Variants in RNF185 observed in about 807,000 individuals in gnomAD.
The protein encoded by RNF185 is E3 ubiquitin-protein ligase RNF185.
RNF185 carries 13 observed loss-of-function variants against 24.9 expected under a neutral mutation model. The observed-to-expected ratio is 0.52, with a 90% CI of 0.34 to 0.83. The LOEUF is 0.83. RNF185 is among the 40% of genes least tolerant of loss of function. RNF185 has a pLI of 0.01. For missense variants in RNF185, 184 were observed against 244.7 expected, an observed-to-expected ratio of 0.75 and a Z score of 1.65; for synonymous variants, 79 against 90.3, an observed-to-expected ratio of 0.88 and a Z score of 0.71.
rs749849070 is a variant in RNF185, at chr22:31,201,656, G to A, written c.481+41G>A. ...CTTGAGAAATTAGGAAGATATCTTA[G>A]TAATATTGCTTGAAAGCTCCTTGGA... On this transcript the variant is annotated intron_variant, in intron 6 of 6. Transcript: ENST00000326132. 10 of 1,400,668 alleles carry A rather than the reference G, an allele frequency of 7.1e-6. No homozygotes were observed. In the East Asian group the frequency reaches 2.1e-4, roughly 29 times the overall value. 86.8% of individuals were successfully genotyped at this position (1,400,668 alleles called of 1,614,324 possible).
At chr22:31,197,018 A>T (rs2048212125) in intron 5 of RNF185, 28 bp downstream of exon 5, 2 of 1,613,252 alleles carry the variant, frequency 1.2e-6, no homozygotes, top group Non-Finnish European at 1.7e-6. Context: ...AGAAGCTTCT[A>T]CAAATGAGCT....
intron 5 of RNF185, among the ~76,000 whole-genome samples, chr22:31,199,072 C>G (rs1371281652): frequency 6.8e-6 from 1 of 147,730 alleles, no homozygotes; most frequent in Non-Finnish European, 1.5e-5. Context: ...TGCACTCCAG[C>G]CTTGGCGACA....
chr22:31,172,601 T>C (rs2147927826), intron 1 of RNF185, among the ~76,000 whole-genome samples: 1 of 151,818 alleles, frequency 6.6e-6, no homozygotes, highest in African/African-American at 2.4e-5. Flanking sequence ...ATACAAAAAT[T>C]GGCCAGTCAT....
At chr22:31,183,313 A>G (rs932458415) in intron 1 of RNF185, among the ~76,000 whole-genome samples, 1 of 152,096 alleles carries the variant, frequency 6.6e-6, no homozygotes, top group Non-Finnish European at 1.5e-5. Flanking sequence ...GCATCACATC[A>G]GGAGGCTGAT....
intron 1 of RNF185, among the ~76,000 whole-genome samples, chr22:31,162,533 A>G (rs1178384009): frequency 6.6e-6 from 1 of 152,102 alleles, no homozygotes; most frequent in African/African-American, 2.4e-5. Flanking sequence ...CATTAAAACC[A>G]CTGAGAGGTC....
chr22:31,190,445 CCTGA>C (rs2048145234), intron 2 of RNF185, among the ~76,000 whole-genome samples: 1 of 152,014 alleles, frequency 6.6e-6, no homozygotes, highest in Non-Finnish European at 1.5e-5. Context: ...TGCCACCACA[CCTGA>C]CTAATTTTTG....
intron 1 of RNF185, among the ~76,000 whole-genome samples, chr22:31,166,104 G>T (rs553320054): frequency 3.3e-5 from 5 of 152,244 alleles, no homozygotes; most frequent in African/African-American, 1.2e-4. Flanking sequence ...CAATTCTCGT[G>T]CCTCAGTTCC....
At chr22:31,185,127 G>A (rs2048086531) in intron 1 of RNF185, among the ~76,000 whole-genome samples, 1 of 151,984 alleles carries the variant, frequency 6.6e-6, no homozygotes, top group Non-Finnish European at 1.5e-5. Flanking sequence ...ATGAAGAAGA[G>A]GAAGGTCAGA....
In RNF185 at chr22:31,186,967, A is replaced by G. The variant is rs1030826540; in HGVS notation, c.-48-80A>G. 1.1e-4 allele frequency: 110 copies of G among 998,482 alleles called. 1 individual carries two copies. The highest frequency in any genetic ancestry group is 1.1e-5 in the Non-Finnish European group (7 of 665,974). 61.9% of individuals were successfully genotyped at this position (998,482 alleles called of 1,614,324 possible). A position where few individuals can be genotyped will look rare whatever the true frequency, so the allele number is the denominator to read the frequency against. On this transcript the variant is annotated intron_variant, in intron 1 of 6. Transcript: ENST00000326132. ...TCAGTCATAATCAGCTCTGGAGCCT[A>G]GAGAAGACAGGAATGTTGGCATGGA...
chr22:31,176,201 T>G (rs1176841707), intron 1 of RNF185, among the ~76,000 whole-genome samples: 2 of 152,210 alleles, frequency 1.3e-5, no homozygotes, highest in Non-Finnish European at 2.9e-5. Flanking sequence ...GACCTCTTTT[T>G]TTGGTATCTT....
At chr22:31,183,318 G>A (rs571195220) in intron 1 of RNF185, among the ~76,000 whole-genome samples, 2 of 152,176 alleles carry the variant, frequency 1.3e-5, no homozygotes, top group Middle Eastern at 3.4e-3. Context: ...ACATCAGGAG[G>A]CTGATGTGAC....
rs1274953261 is a variant in RNF185 at position 31,184,028 on chromosome 22, C to T, written c.-48-3019C>T. 2.0e-5 allele frequency among the ~76,000 whole-genome samples: 3 copies of T among 150,402 alleles called. No homozygotes were observed. The East Asian group carries it at 6.0e-4, about 30-fold the overall frequency. ...CCGGGCGGGGGCTGCCCCCCCCCAC[C>T]TCCCGGACGGGGCGGCTGGCCGGTC... On this transcript the variant is annotated intron_variant, in intron 1 of 6. Coordinates refer to ENST00000326132, the MANE Select transcript of RNF185 (RefSeq NM_152267.4).
chr22:31,184,237 C>T (rs578084938), intron 1 of RNF185, among the ~76,000 whole-genome samples: 25 of 150,388 alleles, frequency 1.7e-4, no homozygotes, highest in Admixed American at 1.3e-3. Flanking sequence ...ACCTCCCAGA[C>T]GGGTGGCGGT....
At chr22:31,175,298 CAA>C (rs1023288945) in intron 1 of RNF185, among the ~76,000 whole-genome samples, 4 of 150,578 alleles carry the variant, frequency 2.7e-5, no homozygotes, top group African/African-American at 9.8e-5. Flanking sequence ...AACAAACAAA[CAA>C]AAAACTAGCT....
chr22:31,185,787 C>T (rs34873968), intron 1 of RNF185, among the ~76,000 whole-genome samples: 58,462 of 151,984 alleles, frequency 0.38, 13,001 homozygotes, highest in Middle Eastern at 0.57. Context: ...TTGGTTTTAT[C>T]CTCTTTCTTG....
At chr22:31,189,841 G>A (rs566034895) in intron 2 of RNF185, among the ~76,000 whole-genome samples, 9 of 151,740 alleles carry the variant, frequency 5.9e-5, no homozygotes, top group Non-Finnish European at 8.8e-5. Flanking sequence ...TTATCTGCCC[G>A]CCTCGGCCTC....
chr22:31,182,335 T>C (rs1346331987), intron 1 of RNF185, among the ~76,000 whole-genome samples: 1 of 152,074 alleles, frequency 6.6e-6, no homozygotes, highest in Non-Finnish European at 1.5e-5. Context: ...TCACTCAGGC[T>C]GGAATGCAGT....
intron 2 of RNF185, among the ~76,000 whole-genome samples, chr22:31,188,645 A>C (rs1191879434): frequency 6.6e-6 from 1 of 151,392 alleles, no homozygotes; most frequent in Non-Finnish European, 1.5e-5. Flanking sequence ...TGGGCAACAT[A>C]GTGAGGCCCC....
rs540016508 is a variant in RNF185, at chr22:31,161,493, G to T, written c.-49+1190G>T. Among the ~76,000 whole-genome samples the T allele has an allele frequency of 5.2e-4, 79 of 152,270 alleles. 1 individual carries two copies. Among genetic ancestry groups the T allele is most frequent in the African/African-American group, 1.9e-3 (78 of 41,546 alleles). ...TCCTGTGCACCATCCTTCTTTTCAAGGACTTTGGAATGACCCAATATCTGA... is the reference window on the plus strand; with the variant it reads ...TCCTGTGCACCATCCTTCTTTTCAATGACTTTGGAATGACCCAATATCTGA... On this transcript the variant is annotated intron_variant, in intron 1 of 6. Coordinates refer to ENST00000326132, the MANE Select transcript of RNF185 (RefSeq NM_152267.4).
Sources: allele counts gnomAD v4.1 joint callset (sites outside exome capture counted in the v4.1 genomes callset), GRCh38; gene constraint gnomAD v4.1.1; transcripts MANE v1.5; gene names NCBI Gene and HGNC (gene_info 2026-07-23, HGNC 2026-07-21).